The following SNX16 variants were observed in gnomAD, a reference collection of about 807,000 sequenced individuals.
SNX16 encodes sorting nexin 16, also known as sorting nexin-16.
SNX16 carries 35 observed loss-of-function variants against 36.7 expected under a neutral mutation model. The ratio of observed to expected loss-of-function variants is 0.95; its 90% CI spans 0.73 to 1.27. The LOEUF (loss-of-function observed/expected upper bound fraction) is 1.27. Ranked by LOEUF, SNX16 falls within the 50% of genes most tolerant of loss-of-function variation. The pLI is 0.00. For synonymous variants in SNX16, 134 were observed against 132.0 expected (o/e 1.02, Z -0.10); for missense variants, 367 against 393.6 (o/e 0.93, Z 0.57).
chr8:81,809,044 G>T (rs763863693), intron 5 of SNX16, among the ~76,000 whole-genome samples: 2 of 151,402 alleles, frequency 1.3e-5, no homozygotes, highest in Non-Finnish European at 2.9e-5. Context: ...GTCTGATTGT[G>T]ATACTGAATA....
chr8:81,807,711 C>A, intron 5 of SNX16: 1 of 593,906 alleles, frequency 1.7e-6, no homozygotes, highest in South Asian at 1.9e-5. Context: ...TCAGCTTGCT[C>A]CTTTCTGCCC....
intron 5 of SNX16, among the ~76,000 whole-genome samples, chr8:81,806,586 C>T (rs759842727): frequency 1.3e-5 from 2 of 152,070 alleles, no homozygotes; most frequent in African/African-American, 2.4e-5. Context: ...TATCCAACAG[C>T]AAAATACAGG....
chr8:81,834,597 C>T (rs1043071486), intron 2 of SNX16, among the ~76,000 whole-genome samples: 7 of 152,184 alleles, frequency 4.6e-5, no homozygotes, highest in African/African-American at 1.7e-4. Context: ...ATACAAGCAT[C>T]CCAAATGGGA....
At chr8:81,829,263 C>T (rs1811142709) in intron 3 of SNX16, among the ~76,000 whole-genome samples, 167 bp downstream of exon 3, 1 of 93,728 alleles carries the variant, frequency 1.1e-5, no homozygotes, top group South Asian at 4.4e-4. Flanking sequence ...TAAAGTTTCA[C>T]ATTTTTATGC....
chr8:81,802,666 T>G (rs1809757336), intron 6 of SNX16, among the ~76,000 whole-genome samples, 167 bp from the exon 7 acceptor site: 1 of 151,836 alleles, frequency 6.6e-6, no homozygotes, highest in Non-Finnish European at 1.5e-5. Flanking sequence ...TCAGTAGCTA[T>G]GATTAATTTA....
intron 4 of SNX16, among the ~76,000 whole-genome samples, chr8:81,820,457 G>GT (rs1305399123): frequency 2.6e-5 from 4 of 152,012 alleles, no homozygotes; most frequent in African/African-American, 9.7e-5. Flanking sequence ...TTAGAATTAG[G>GT]TATGTATTTC....
rs1005129284 is a variant in SNX16 at position 81,799,692 on chromosome 8, A to C, written c.*1805T>G. On this transcript the variant is annotated 3_prime_UTR_variant, in exon 8 of 8. Transcript: ENST00000345957. ...ATAAATAATAGTGGTTTACCTAATT[A>C]ACAGATTTTTTTCTTCATCCTTGAA... 3.0e-4 allele frequency: 46 copies of C among 152,114 alleles called. No individual in the cohort carries two copies. Among genetic ancestry groups the C allele is most frequent in the Admixed American group, 1.9e-3 (29 of 15,294 alleles). The allele number at this position is 152,114 out of a possible 1,614,324, so 9.4% of individuals were successfully genotyped here.
intron 5 of SNX16, among the ~76,000 whole-genome samples, chr8:81,810,763 A>G (rs1810201603): frequency 6.6e-6 from 1 of 152,106 alleles, no homozygotes; most frequent in African/African-American, 2.4e-5. Context: ...TGGGTATGCT[A>G]TTGGTGTCTA....
At position 81,802,417 on chromosome 8, in the gene SNX16, G is replaced by C. The variant is rs143438793; in HGVS notation, c.901C>G (p.Leu301Val). Residue 301 changes from leucine to valine, a missense_variant, in exon 7 of 8, where the codon CTT (leucine) becomes GTT (valine). By Grantham distance (32) the Leu-to-Val change is conservative. Transcript: ENST00000345957. ...EQILKVESSA[L>V]EVDQDVLDEE... ...TCCAGGACATCTTGATCAACCTCAA[G>C]TGCAGAGGACTCCACCTTTAGGATC... 3.1e-6 allele frequency: 5 copies of C among 1,610,014 alleles called. No homozygotes were observed. Among genetic ancestry groups the C allele is most frequent in the African/African-American group, 2.7e-5 (2 of 74,772 alleles).
chr8:81,818,046 T>G (rs1047963486), intron 4 of SNX16, among the ~76,000 whole-genome samples: 11 of 151,834 alleles, frequency 7.2e-5, no homozygotes, highest in Admixed American at 2.6e-4. Flanking sequence ...GTACTATAAA[T>G]TCACCTGTTT....
intron 1 of SNX16, chr8:81,841,577 A>G (rs904691043): frequency 7.9e-5 from 12 of 151,992 alleles, no homozygotes; most frequent in Non-Finnish European, 1.5e-4. Context: ...ATATCAATAC[A>G]TATCAACACA....
At chr8:81,839,543 A>G in intron 2 of SNX16, 69 bp downstream of exon 2, 3 of 1,385,898 alleles carry the variant, frequency 2.2e-6, no homozygotes, top group South Asian at 1.5e-5. Context: ...TTAATTTAAC[A>G]CTGGTTTGAA....
At chr8:81,807,676 G>A (rs769876275) in intron 5 of SNX16, 80 of 528,450 alleles carry the variant, frequency 1.5e-4, no homozygotes, top group Non-Finnish European at 2.6e-4. Flanking sequence ...TACAGAAAAA[G>A]TTAAATCAAT....
At chr8:81,824,358 A>G (rs1217514868) in intron 3 of SNX16, among the ~76,000 whole-genome samples, 1 of 152,172 alleles carries the variant, frequency 6.6e-6, no homozygotes, top group Non-Finnish European at 1.5e-5. Context: ...CCTAAGTTAT[A>G]AGAGTTCTTT....
intron 2 of SNX16, among the ~76,000 whole-genome samples, chr8:81,836,635 T>C (rs573041470): frequency 6.6e-6 from 1 of 152,132 alleles, no homozygotes; most frequent in Non-Finnish European, 1.5e-5. Context: ...TTAAAACAAA[T>C]CCAGAACCTG....
Position 81,839,895 on chromosome 8 carries a change from C to A in SNX16, c.92G>T (p.Gly31Val), listed in dbSNP as rs767419279. The A allele has an allele frequency of 6.2e-7, 1 of 1,613,924 alleles. No individual in the cohort carries two copies. Among genetic ancestry groups the A allele is most frequent in the Admixed American group, 1.7e-5 (1 of 60,016 alleles). The part of the protein sequence containing the change: ...TNRNQRSSSF[G>V]SVSTSSNSSK... ...AGAATTTGAGCTTGTTGAGACACTG[C>A]CAAAAGAAGAACTTCTTTGATTTCT... The change falls in exon 2 of 8, where the codon GGC (glycine) becomes GTC (valine). Residue 31 changes from glycine (G) to valine (V), a missense_variant. By Grantham distance (109) the Gly-to-Val change is moderately radical. Coordinates refer to ENST00000345957, the MANE Select transcript of SNX16 (RefSeq NM_152836.3).
chr8:81,817,658 C>T (rs1810553472), intron 4 of SNX16, among the ~76,000 whole-genome samples: 1 of 152,154 alleles, frequency 6.6e-6, no homozygotes, highest in Admixed American at 6.5e-5. Context: ...CAACAAGACT[C>T]AGTCAGTAAA....
At chr8:81,825,156 G>T (rs576933438) in intron 3 of SNX16, among the ~76,000 whole-genome samples, 1 of 152,122 alleles carries the variant, frequency 6.6e-6, no homozygotes, top group Non-Finnish European at 1.5e-5. Flanking sequence ...TTGAGTAGTC[G>T]CAAGACCATC....
At position 81,801,458 on chromosome 8, in the gene SNX16, T is replaced by A; in HGVS notation, c.*39A>T. The A allele has an allele frequency of 7.9e-7, 1 of 1,260,138 alleles. No individual in the cohort carries two copies. The highest frequency in any genetic ancestry group is 1.1e-6 in the Non-Finnish European group (1 of 899,380). 78.1% of individuals were successfully genotyped at this position (1,260,138 alleles called of 1,614,324 possible). ...AATAGTATTTGCCACTCTTCTAAAT[T>A]TTTGAATAGTCTAAATGGAGGGAAC... On this transcript the variant is annotated 3_prime_UTR_variant, in exon 8 of 8. Coordinates refer to ENST00000345957, the MANE Select transcript of SNX16 (RefSeq NM_152836.3).
Sources: allele counts gnomAD v4.1 joint callset (sites outside exome capture counted in the v4.1 genomes callset), GRCh38; gene constraint gnomAD v4.1.1; transcripts MANE v1.5; gene names NCBI Gene and HGNC (gene_info 2026-07-23, HGNC 2026-07-21).